The following SLCO1A2 variants were observed in gnomAD, a reference collection of about 807,000 sequenced individuals.
The protein encoded by SLCO1A2 is solute carrier organic anion transporter family member 1A2.
In SLCO1A2, 67 loss-of-function variants were observed where a neutral mutation model predicts 69.0. That is an observed-to-expected ratio of 0.97 (90% CI 0.80 to 1.19). The LOEUF (loss-of-function observed/expected upper bound fraction) is 1.19, where lower values mean the gene tolerates loss of function less well. Ranked by LOEUF, SLCO1A2 falls within the 50% of genes most tolerant of loss-of-function variation. SLCO1A2 has a pLI of 0.00. For synonymous variants in SLCO1A2, 260 were observed against 265.9 expected (o/e 0.98, Z 0.22); for missense variants, 787 against 793.7 (o/e 0.99, Z 0.10).
chr12:21,373,436 G>T (rs770919028), intron 2 of SLCO1A2: 22 of 1,603,102 alleles, frequency 1.4e-5, no homozygotes, highest in Non-Finnish European at 1.8e-5. Context: ...TGAAAGGTTG[G>T]TAACTTTAAA....
chr12:21,346,915 C>T (rs1953269017), intron 2 of SLCO1A2, among the ~76,000 whole-genome samples: 1 of 151,972 alleles, frequency 6.6e-6, no homozygotes. Flanking sequence ...TTCCTTCACT[C>T]CTTGTGAAAG....
chr12:21,301,328 T>A, intron 6 of SLCO1A2, 59 bp from the exon 7 acceptor site: 1 of 1,140,776 alleles, frequency 8.8e-7, no homozygotes, highest in Non-Finnish European at 1.2e-6. Context: ...TAAAGAGTTC[T>A]AGGTCTATGA....
At chr12:21,363,351 A>T (rs934159475) in intron 2 of SLCO1A2, among the ~76,000 whole-genome samples, 1 of 152,208 alleles carries the variant, frequency 6.6e-6, no homozygotes, top group African/African-American at 2.4e-5. Flanking sequence ...AACGAATGAG[A>T]ACAAAGACAC....
chr12:21,279,483 G>A (rs1226359856), intron 12 of SLCO1A2, among the ~76,000 whole-genome samples: 2 of 152,114 alleles, frequency 1.3e-5, no homozygotes, highest in East Asian at 3.9e-4. Flanking sequence ...AACATACAAT[G>A]GAGCGCCAAT....
chr12:21,355,036 A>T (rs532580557), intron 2 of SLCO1A2: 10 of 152,326 alleles, frequency 6.6e-5, no homozygotes, highest in Middle Eastern at 3.4e-3. Flanking sequence ...TAAATGGCAC[A>T]TATGTTCAAA....
chr12:21,300,466 G>A lies in SLCO1A2; in HGVS notation c.792C>T (p.Phe264=). ...CCTTTGGAAGTGTGTTGGGCAAAAA[G>A]AAAAAAGGAATGGCAGTGAGCACGT... The part of the protein sequence containing the change: ...GVNVLTAIPF[F]FLPNTLPKEG... Residue 264 remains phenylalanine (F), a synonymous_variant, in exon 8 of 15, where the codon TTC becomes TTT. Coordinates refer to ENST00000683939, the MANE Select transcript of SLCO1A2 (RefSeq NM_001386879.1). 1 of 1,613,396 alleles carries A rather than the reference G, an allele frequency of 6.2e-7. No homozygotes were observed. The highest frequency in any genetic ancestry group is 8.5e-7 in the Non-Finnish European group (1 of 1,179,720).
chr12:21,337,584 G>A (rs574349023), upstream of SLCO1A2, among the ~76,000 whole-genome samples: 4 of 151,914 alleles, frequency 2.6e-5, no homozygotes, highest in East Asian at 1.9e-4. Flanking sequence ...TTATTTCCAG[G>A]ATCTTGAAAT....
chr12:21,393,576 C>T lies in SLCO1A2; in HGVS notation c.-190+1330G>A, dbSNP rs191209031. 2.8e-4 allele frequency among the ~76,000 whole-genome samples: 43 copies of T among 152,244 alleles called. No individual in the cohort carries two copies. In the South Asian group the frequency reaches 5.6e-3, roughly 20 times the overall value. On this transcript the variant is annotated intron_variant, in intron 1 of 15. Coordinates refer to the SLCO1A2 transcript ENST00000307378. ...TGGCAAAGATAAATAAATCTTTGCTCAGCTTATCAAAGAAAATTCTGCAAT... is the reference window on the plus strand; with the variant it reads ...TGGCAAAGATAAATAAATCTTTGCTTAGCTTATCAAAGAAAATTCTGCAAT...
chr12:21,371,039 G>C (rs1939749672), intron 2 of SLCO1A2, among the ~76,000 whole-genome samples: 1 of 152,276 alleles, frequency 6.6e-6, no homozygotes, highest in African/African-American at 2.4e-5. Flanking sequence ...CATATGCAGA[G>C]AGTAGCAGCT....
intron 1 of SLCO1A2, among the ~76,000 whole-genome samples, chr12:21,381,414 A>C (rs1249385368): frequency 6.6e-6 from 1 of 152,236 alleles, no homozygotes; most frequent in Non-Finnish European, 1.5e-5. Context: ...ACATGAAAAA[A>C]ATGCGCAACA....
intron 2 of SLCO1A2, among the ~76,000 whole-genome samples, chr12:21,327,352 C>G (rs927236709): frequency 6.6e-6 from 1 of 152,172 alleles, no homozygotes; most frequent in Non-Finnish European, 1.5e-5. Flanking sequence ...AGCCCCCACA[C>G]AGAGTCTCCA....
intron 2 of SLCO1A2, among the ~76,000 whole-genome samples, chr12:21,373,980 G>A (rs1939997476): frequency 6.6e-6 from 1 of 152,168 alleles, no homozygotes; most frequent in Non-Finnish European, 1.5e-5. Context: ...GCCATTTGCT[G>A]TTGGGGGATT....
In SLCO1A2 at chr12:21,283,305, A is replaced by T. The variant is rs147297685; in HGVS notation, c.1611-7881T>A. On this transcript the variant is annotated intron_variant, in intron 12 of 14. Coordinates refer to ENST00000683939, the MANE Select transcript of SLCO1A2 (RefSeq NM_001386879.1). Reference sequence around the variant, plus strand: ...ACTCATTTTTGACAAAGATGCCAAGAATGTACATTGGGGAAAAGACAGTCT... The same window carrying T: ...ACTCATTTTTGACAAAGATGCCAAGTATGTACATTGGGGAAAAGACAGTCT... 3.5e-3 allele frequency among the ~76,000 whole-genome samples: 538 copies of T among 152,322 alleles called. 2 individuals are homozygous for T. The highest frequency in any genetic ancestry group is 0.012 in the African/African-American group (501 of 41,576).
chr12:21,327,869 G>C (rs549123147), intron 2 of SLCO1A2, among the ~76,000 whole-genome samples: 1 of 152,026 alleles, frequency 6.6e-6, no homozygotes, highest in Non-Finnish European at 1.5e-5. Context: ...TGAAATGTGC[G>C]GACATGAGAT....
chr12:21,356,672 A>G (rs1001950488), intron 2 of SLCO1A2, among the ~76,000 whole-genome samples: 3 of 152,180 alleles, frequency 2.0e-5, no homozygotes, highest in African/African-American at 7.2e-5. Flanking sequence ...CTATGCACCC[A>G]ATGAGTAAAA....
intron 2 of SLCO1A2, among the ~76,000 whole-genome samples, chr12:21,370,835 CT>C (rs1467998511): frequency 6.6e-6 from 1 of 152,178 alleles, no homozygotes; most frequent in East Asian, 1.9e-4. Context: ...CCCTGGTATG[CT>C]TTCTACATCA....
intron 2 of SLCO1A2, among the ~76,000 whole-genome samples, chr12:21,328,180 C>G (rs562303578): frequency 2.3e-4 from 35 of 152,252 alleles, no homozygotes; most frequent in African/African-American, 7.5e-4. Flanking sequence ...CCATGTGGAA[C>G]TGTGAGTCCA....
intron 2 of SLCO1A2, among the ~76,000 whole-genome samples, chr12:21,323,696 T>C (rs939719516): frequency 2.6e-5 from 4 of 152,230 alleles, no homozygotes; most frequent in African/African-American, 9.6e-5. Flanking sequence ...TCTCAGTAGT[T>C]ATTTTCTTTT....
At position 21,300,413 on chromosome 12, in the gene SLCO1A2, A is replaced by C; in HGVS notation, c.845T>G (p.Ile282Ser). ...KEGLETNADI[I>S]KNENEDKQKE... ...TTGTTTGTCTTCATTTTCATTTTTA[A>C]TGATGTCAGCATTAGTCTCTAGTCC... Residue 282 changes from isoleucine to serine, a missense_variant, in exon 8 of 15, where the codon ATT (isoleucine) becomes AGT (serine). Physicochemically the swap from Ile to Ser is moderately radical, Grantham distance 142 (BLOSUM62 -2). Coordinates refer to ENST00000683939, the MANE Select transcript of SLCO1A2 (RefSeq NM_001386879.1). 1 of 1,613,102 alleles carries C rather than the reference A, an allele frequency of 6.2e-7. No individual in the cohort carries two copies. Among genetic ancestry groups the C allele is most frequent in the Non-Finnish European group, 8.5e-7 (1 of 1,179,610 alleles).
Sources: allele counts gnomAD v4.1 joint callset (sites outside exome capture counted in the v4.1 genomes callset), GRCh38; gene constraint gnomAD v4.1.1; transcripts MANE v1.5; gene names NCBI Gene and HGNC (gene_info 2026-07-23, HGNC 2026-07-21).